DOT1L: variants seen among roughly 807,000 people sequenced by gnomAD.
DOT1L encodes histone-lysine N-methyltransferase, H3 lysine-79 specific.
DOT1L carries 33 observed loss-of-function variants against 153.3 expected under a neutral mutation model. That is an observed-to-expected ratio of 0.22 (90% CI 0.16 to 0.29). The LOEUF (loss-of-function observed/expected upper bound fraction) is 0.29, where lower values mean the gene tolerates loss of function less well. DOT1L is among the 10% of genes least tolerant of loss of function. DOT1L has a pLI of 1.00. For synonymous variants in DOT1L, 1,135 were observed against 965.1 expected (o/e 1.18, Z -3.26); for missense variants, 1,847 against 2,119.9 (o/e 0.87, Z 2.53).
At chr19:2,225,198 CAG>C (rs902352018) in intron 25 of DOT1L, among the ~76,000 whole-genome samples, 188 bp from the exon 26 acceptor site, 29 of 152,160 alleles carry the variant, frequency 1.9e-4, no homozygotes, top group Middle Eastern at 3.2e-3. Flanking sequence ...TGTGGCACAA[CAG>C]GGGTGGATCC....
chr19:2,219,228 G>A (rs765666291), intron 22 of DOT1L, among the ~76,000 whole-genome samples: 3 of 151,996 alleles, frequency 2.0e-5, no homozygotes, highest in Non-Finnish European at 4.4e-5. Context: ...GGGTGGTCTC[G>A]AACTCCTGGC....
At chr19:2,166,608 T>C (rs2019932480) in intron 1 of DOT1L, among the ~76,000 whole-genome samples, 1 of 151,848 alleles carries the variant, frequency 6.6e-6, no homozygotes, top group Non-Finnish European at 1.5e-5. Flanking sequence ...ACCAGGTTTC[T>C]TCATGTTGGC....
chr19:2,196,315 C>T (rs2023017581), intron 7 of DOT1L, among the ~76,000 whole-genome samples: 1 of 152,152 alleles, frequency 6.6e-6, no homozygotes, highest in Admixed American at 6.5e-5. Context: ...ATCACTTGAG[C>T]CCAGGAGTTC....
rs566566290 is a variant in DOT1L at position 2,218,832 on chromosome 19, G to C, written c.2691+914G>C. On this transcript the variant is annotated intron_variant, in intron 22 of 27. Coordinates refer to ENST00000398665, the MANE Select transcript of DOT1L (RefSeq NM_032482.3). ...CTGCCTCAGCCTCCCGAGTAGCTGGGATTACAGGTGCCCACCACCACGCCC... is the reference window on the plus strand; with the variant it reads ...CTGCCTCAGCCTCCCGAGTAGCTGGCATTACAGGTGCCCACCACCACGCCC... Among the ~76,000 whole-genome samples, 25 of 152,166 alleles carry C rather than the reference G, an allele frequency of 1.6e-4. No homozygotes were observed. In the East Asian group the frequency reaches 4.9e-3, roughly 30 times the overall value.
chr19:2,172,730 C>G (rs2021710620), intron 1 of DOT1L, among the ~76,000 whole-genome samples: 1 of 152,112 alleles, frequency 6.6e-6, no homozygotes, highest in African/African-American at 2.4e-5. Context: ...GTCTCAAACT[C>G]CTGACCTCGT....
intron 22 of DOT1L, among the ~76,000 whole-genome samples, chr19:2,218,183 A>G (rs1159351739): frequency 6.6e-6 from 1 of 151,994 alleles, no homozygotes; most frequent in African/African-American, 2.4e-5. Context: ...TCAGAGGCCC[A>G]CCCTGGCTCC....
chr19:2,210,741 C>A lies in DOT1L; in HGVS notation c.1237C>A (p.Arg413Ser). The A allele has an allele frequency of 6.2e-7, 1 of 1,613,114 alleles. No individual in the cohort carries two copies. The part of the protein sequence containing the change: ...GRKMAGRKRG[R>S]PKKMNTANPE... ...GAAGATGGCTGGCCGCAAGCGCGGGCGCCCCAAGAAGATGAACACTGCGAA... is the reference window on the plus strand; with the variant it reads ...GAAGATGGCTGGCCGCAAGCGCGGGAGCCCCAAGAAGATGAACACTGCGAA... The change falls in exon 14 of 28, where the codon CGC (arginine) becomes AGC (serine). Residue 413 changes from arginine to serine, a missense_variant. Transcript: ENST00000398665.
chr19:2,165,826 C>A (rs2019895093), intron 1 of DOT1L, among the ~76,000 whole-genome samples: 1 of 150,504 alleles, frequency 6.6e-6, no homozygotes, highest in Admixed American at 6.6e-5. Flanking sequence ...TGGAGTGCAG[C>A]GGCGCGATCT....
At chr19:2,194,685 A>G (rs1035403007) in intron 7 of DOT1L, 108 bp downstream of exon 7, 1 of 1,271,360 alleles carries the variant, frequency 7.9e-7, no homozygotes, top group Admixed American at 2.0e-5. Context: ...CTGTTGGCAC[A>G]TGGTGTGCCC....
intron 3 of DOT1L, among the ~76,000 whole-genome samples, chr19:2,186,705 G>C (rs533128326): frequency 1.3e-5 from 2 of 152,190 alleles, no homozygotes; most frequent in Admixed American, 6.5e-5. Flanking sequence ...CCCCTCCCTC[G>C]AGCCCTGCCC....
At chr19:2,175,145 C>G (rs947775304) in intron 1 of DOT1L, among the ~76,000 whole-genome samples, 1 of 151,748 alleles carries the variant, frequency 6.6e-6, no homozygotes, top group African/African-American at 2.4e-5. Context: ...ACTACAGGCG[C>G]CCACCACCAC....
At position 2,226,493 on chromosome 19, in the gene DOT1L, G is replaced by C; in HGVS notation, c.3972G>C (p.Ala1324=). Residue 1324 remains alanine (A), a synonymous_variant, in exon 27 of 28, where the codon GCG becomes GCC. Coordinates refer to ENST00000398665, the MANE Select transcript of DOT1L (RefSeq NM_032482.3). ...GCACCTTCGGCGGGGGCCTGGCCGC[G>C]GACCTGAGTTTACACAGCTTCAGTG... ...NGCTFGGGLA[A]DLSLHSFSDG... 1 of 1,600,786 alleles carries C rather than the reference G, an allele frequency of 6.2e-7. No individual in the cohort carries two copies. The highest frequency in any genetic ancestry group is 1.1e-5 in the South Asian group (1 of 90,916).
chr19:2,184,138 G>A (rs897025279), intron 2 of DOT1L, among the ~76,000 whole-genome samples: 7 of 152,120 alleles, frequency 4.6e-5, no homozygotes, highest in Admixed American at 4.6e-4. Context: ...TTTTCTTGCC[G>A]AGTTGCGCTG....
intron 7 of DOT1L, among the ~76,000 whole-genome samples, chr19:2,198,399 A>G (rs774645742): frequency 6.6e-6 from 1 of 151,742 alleles, no homozygotes; most frequent in Non-Finnish European, 1.5e-5. Context: ...GGCCTTGGAG[A>G]GCGGAGGATG....
intron 1 of DOT1L, among the ~76,000 whole-genome samples, chr19:2,169,540 C>G (rs1279633741): frequency 6.6e-6 from 1 of 152,132 alleles, no homozygotes; most frequent in Non-Finnish European, 1.5e-5. Context: ...GTCTCCCAGG[C>G]TGGAGTGCAG....
At chr19:2,188,483 C>G (rs1279026894) in intron 3 of DOT1L, among the ~76,000 whole-genome samples, 3 of 120,590 alleles carry the variant, frequency 2.5e-5, no homozygotes, top group East Asian at 2.3e-4. Flanking sequence ...AGCCGCCGCC[C>G]CCCCCCCCCC....
chr19:2,201,634 G>A (rs1208908058), intron 8 of DOT1L, among the ~76,000 whole-genome samples: 1 of 152,266 alleles, frequency 6.6e-6, no homozygotes, highest in Non-Finnish European at 1.5e-5. Flanking sequence ...TGCTGACCCT[G>A]TGGTGTCCCC....
Position 2,194,455 on chromosome 19 carries a change from G to A in DOT1L, c.589-60G>A, listed in dbSNP as rs1439696631. 3.8e-6 allele frequency: 6 copies of A among 1,596,960 alleles called. No homozygotes were observed. In the Admixed American group the frequency reaches 8.3e-5, roughly 22 times the overall value. On this transcript the variant is annotated intron_variant, in intron 6 of 27. Coordinates refer to ENST00000398665, the MANE Select transcript of DOT1L (RefSeq NM_032482.3). ...CAAAGTGCCGGGATTACAGGCGTGA[G>A]CCACCGCGCCTGGCTTGCCCTGAGA...
rs569920372 is a variant in DOT1L, at chr19:2,232,144, G to GTGC, written c.*2364_*2366dup. On this transcript the variant is annotated 3_prime_UTR_variant, in exon 28 of 28. Coordinates refer to ENST00000398665, the MANE Select transcript of DOT1L (RefSeq NM_032482.3). ...TTCCGTGGGCAGCTGGCGGGGACCT[G>GTGC]TGCTGCTGCTGCTGACTGTGGGTGG... 11 of 223,344 alleles carry GTGC rather than the reference G, an allele frequency of 4.9e-5. No individual in the cohort carries two copies. Among genetic ancestry groups the GTGC allele is most frequent in the South Asian group, 3.6e-4 (2 of 5,540 alleles). The allele number at this position is 223,344 out of a possible 1,614,324, so 13.8% of individuals were successfully genotyped here. A position where few individuals can be genotyped will look rare whatever the true frequency, so the allele number is the denominator to read the frequency against.
Sources: allele counts gnomAD v4.1 joint callset (sites outside exome capture counted in the v4.1 genomes callset), GRCh38; gene constraint gnomAD v4.1.1; transcripts MANE v1.5; gene names NCBI Gene and HGNC (gene_info 2026-07-23, HGNC 2026-07-21).